ARHGEF12: variants seen among roughly 807,000 people sequenced by gnomAD.
ARHGEF12 encodes KMT2A/ARHGEF12 fusion protein.
In ARHGEF12, 66 loss-of-function variants were observed where a neutral mutation model predicts 211.2. The observed-to-expected ratio is 0.31, with a 90% CI of 0.26 to 0.38. The LOEUF (loss-of-function observed/expected upper bound fraction) is 0.38. ARHGEF12 is among the 10% of genes least tolerant of loss of function. ARHGEF12 has a pLI of 1.00. For synonymous variants in ARHGEF12, 592 were observed against 638.4 expected (o/e 0.93, Z 1.09); for missense variants, 1,429 against 1,869.5 (o/e 0.76, Z 4.34).
chr11:120,389,939 T>G (rs762575056), intron 1 of ARHGEF12, among the ~76,000 whole-genome samples: 10 of 152,230 alleles, frequency 6.6e-5, no homozygotes, highest in Non-Finnish European at 1.2e-4. Flanking sequence ...TGATAGATAC[T>G]TAGGTTGCTT....
At chr11:120,421,933 G>T (rs1945205266) in intron 6 of ARHGEF12, 81 bp downstream of exon 6, 1 of 1,070,160 alleles carries the variant, frequency 9.3e-7, no homozygotes, top group Admixed American at 2.2e-5. Flanking sequence ...TTTTCACTTG[G>T]ATTTTTATAA....
chr11:120,467,435 T>C, intron 29 of ARHGEF12, 127 bp downstream of exon 29: 1 of 319,674 alleles, frequency 3.1e-6, no homozygotes, highest in East Asian at 6.1e-5. Flanking sequence ...AAGATTTTCT[T>C]TTTTTTTTTT....
chr11:120,394,204 T>C (rs1944304878), intron 1 of ARHGEF12, among the ~76,000 whole-genome samples: 1 of 151,908 alleles, frequency 6.6e-6, no homozygotes. Flanking sequence ...AGAGAAGGTC[T>C]AAAATCAATG....
At chr11:120,357,614 G>A (rs1943165171) in intron 1 of ARHGEF12, among the ~76,000 whole-genome samples, 1 of 152,178 alleles carries the variant, frequency 6.6e-6, no homozygotes, top group African/African-American at 2.4e-5. Flanking sequence ...CCATCACCCA[G>A]GCTGGATTGC....
intron 40 of ARHGEF12, 92 bp downstream of exon 40, chr11:120,484,599 A>T: frequency 8.8e-7 from 1 of 1,137,890 alleles, no homozygotes; most frequent in Non-Finnish European, 1.3e-6. Context: ...ACCTTCTGAG[A>T]TTCCATTTCT....
In ARHGEF12 at chr11:120,478,110, A is replaced by AAAGTTAT. The variant is rs771284401; in HGVS notation, c.3533-43_3533-42insTTATAAG. ...CCTGAATGCTTCATGTTAAAAGTTAAAAGCTTTGTTTAGATATAGTCTACC... is the reference window on the plus strand; with the variant it reads ...CCTGAATGCTTCATGTTAAAAGTTAAAAGTTATAAGCTTTGTTTAGATATAGTCTACC... On this transcript the variant is annotated intron_variant, in intron 36 of 40. Coordinates refer to ENST00000397843, the MANE Select transcript of ARHGEF12 (RefSeq NM_015313.3). 2.8e-5 allele frequency: 38 copies of AAAGTTAT among 1,351,568 alleles called. No homozygotes were observed. In the East Asian group the frequency reaches 8.8e-4, roughly 31 times the overall value. 83.7% of individuals were successfully genotyped at this position (1,351,568 alleles called of 1,614,324 possible).
At chr11:120,461,524 C>G (rs1283863730) in intron 27 of ARHGEF12, among the ~76,000 whole-genome samples, 1 of 152,150 alleles carries the variant, frequency 6.6e-6, no homozygotes. Flanking sequence ...CCAGGAATTT[C>G]AGAATGGTAA....
In ARHGEF12 at chr11:120,473,002, A is replaced by G. The variant is rs200214791; in HGVS notation, c.2956-48A>G. ...AGTTTGATTCAGAAATAGAGAGGTC[A>G]TTAATGACCAAAGCACTAACCTTGG... On this transcript the variant is annotated intron_variant, in intron 30 of 40. Transcript: ENST00000397843. 308 of 1,561,498 alleles carry G rather than the reference A, an allele frequency of 2.0e-4. No homozygotes were observed. In the African/African-American group the frequency reaches 3.8e-3, roughly 19 times the overall value.
chr11:120,402,400 G>A (rs1299655476), intron 1 of ARHGEF12, among the ~76,000 whole-genome samples: 1 of 152,110 alleles, frequency 6.6e-6, no homozygotes, highest in African/African-American at 2.4e-5. Flanking sequence ...AAATGGTGCT[G>A]TATTTCACTC....
At chr11:120,463,930 C>T (rs796457785) in intron 27 of ARHGEF12, 1 of 152,166 alleles carries the variant, frequency 6.6e-6, no homozygotes, top group East Asian at 1.9e-4. Flanking sequence ...TATTAAAAAA[C>T]AATGTATTTG....
In ARHGEF12 at chr11:120,336,603, C is replaced by G. The variant is rs1241509890; in HGVS notation, c.-641C>G. 6.6e-6 allele frequency among the ~76,000 whole-genome samples: 1 copy of G among 152,134 alleles called. No homozygotes were observed. Among genetic ancestry groups the G allele is most frequent in the Non-Finnish European group, 1.5e-5 (1 of 68,004 alleles). On this transcript the variant is annotated 5_prime_UTR_variant, in exon 1 of 41. Transcript: ENST00000397843. ...GGGAGCAGTCCGCGGCGCTGAGAGA[C>G]CCGGGTCCCTGTCACCTCGGGCCGC... is the stretch of plus-strand genomic sequence containing the variant.
At chr11:120,469,432 CATTAA>C (rs1591633219) in intron 30 of ARHGEF12, 44 bp downstream of exon 30, 2 of 1,431,332 alleles carry the variant, frequency 1.4e-6, no homozygotes, top group East Asian at 4.6e-5. Flanking sequence ...ATTGGGAGAA[CATTAA>C]ATTAATATTA....
intron 1 of ARHGEF12, among the ~76,000 whole-genome samples, chr11:120,389,660 T>C (rs1944152291): frequency 1.3e-5 from 2 of 152,212 alleles, no homozygotes; most frequent in Non-Finnish European, 1.5e-5. Flanking sequence ...AACTATTTTT[T>C]ACTATAATCA....
At chr11:120,484,374 G>A (rs1435549308) in intron 39 of ARHGEF12, 64 bp from the exon 40 acceptor site, 1 of 1,463,214 alleles carries the variant, frequency 6.8e-7, no homozygotes, top group Non-Finnish European at 9.5e-7. Context: ...TCTGTTTTCT[G>A]AAGTTTTTGT....
intron 27 of ARHGEF12, chr11:120,463,069 G>A (rs990539824): frequency 2.0e-5 from 3 of 152,246 alleles, no homozygotes; most frequent in Non-Finnish European, 4.4e-5. Context: ...GCTAATGCAA[G>A]TGTTCTGAGC....
intron 23 of ARHGEF12, 99 bp from the exon 24 acceptor site, chr11:120,457,622 T>G: frequency 1.3e-6 from 1 of 793,798 alleles, no homozygotes; most frequent in Non-Finnish European, 1.9e-6. Context: ...GAATTATTTA[T>G]CAAGCTGCTG....
At chr11:120,436,241 T>C (rs892912102) in intron 11 of ARHGEF12, among the ~76,000 whole-genome samples, 1 of 152,360 alleles carries the variant, frequency 6.6e-6, no homozygotes, top group Admixed American at 6.5e-5. Context: ...TCTTGCTTTT[T>C]GTGACAGAAT....
At chr11:120,401,868 AT>A (rs1263370714) in intron 1 of ARHGEF12, among the ~76,000 whole-genome samples, 1 of 152,192 alleles carries the variant, frequency 6.6e-6, no homozygotes, top group African/African-American at 2.4e-5. Flanking sequence ...CTAAAAACTT[AT>A]TTGAATATTT....
intron 1 of ARHGEF12, among the ~76,000 whole-genome samples, chr11:120,342,013 T>C (rs1214558008): frequency 1.3e-5 from 2 of 152,346 alleles, no homozygotes; most frequent in East Asian, 3.9e-4. Flanking sequence ...TCATTTACAC[T>C]TTAAGCTAAT....
Sources: gnomAD v4.1 joint callset for allele counts (sites outside exome capture counted in the v4.1 genomes callset) on GRCh38, gnomAD v4.1.1 for gene constraint, MANE v1.5 for transcripts, NCBI Gene and HGNC (gene_info 2026-07-23, HGNC 2026-07-21) for gene names.